SEPTIN7: variants seen among roughly 807,000 people sequenced by gnomAD.
The protein encoded by SEPTIN7 is septin-7.
Under a neutral mutation model 63.3 loss-of-function variants are expected in SEPTIN7, and 10 were observed. The ratio of observed to expected loss-of-function variants is 0.16; its 90% CI spans 0.10 to 0.27. SEPTIN7 has a LOEUF of 0.27. Among genes scored for constraint, SEPTIN7 ranks in the 10% least tolerant of loss-of-function variants. The pLI is 1.00. For missense variants in SEPTIN7, 310 were observed against 521.0 expected, an observed-to-expected ratio of 0.59 and a Z score of 3.94; for synonymous variants, 131 against 165.3, an observed-to-expected ratio of 0.79 and a Z score of 1.59.
intron 1 of SEPTIN7, among the ~76,000 whole-genome samples, chr7:35,827,513 CAG>C (rs1050745270): frequency 9.2e-5 from 14 of 152,000 alleles, no homozygotes; most frequent in African/African-American, 3.4e-4. Flanking sequence ...TTTTTTGAGA[CAG>C]AGTCTTGCTC....
intron 1 of SEPTIN7, among the ~76,000 whole-genome samples, chr7:35,813,881 G>A (rs1222550816): frequency 1.3e-5 from 2 of 152,084 alleles, no homozygotes; most frequent in African/African-American, 4.8e-5. Flanking sequence ...ATCAGTTGTA[G>A]TATTGACATT....
chr7:35,819,198 T>G (rs1339914582), intron 1 of SEPTIN7, among the ~76,000 whole-genome samples: 1 of 152,132 alleles, frequency 6.6e-6, no homozygotes, highest in African/African-American at 2.4e-5. Context: ...TGTGATTTAG[T>G]TTTTGACCCA....
At chr7:35,826,853 G>A (rs1401771102) in intron 1 of SEPTIN7, among the ~76,000 whole-genome samples, 1 of 152,092 alleles carries the variant, frequency 6.6e-6, no homozygotes, top group African/African-American at 2.4e-5. Flanking sequence ...TGGCATTTTA[G>A]ATAGCAAGAT....
intron 10 of SEPTIN7, among the ~76,000 whole-genome samples, 155 bp downstream of exon 10, chr7:35,886,034 C>G (rs1182532579): frequency 6.6e-6 from 1 of 152,148 alleles, no homozygotes; most frequent in Non-Finnish European, 1.5e-5. Flanking sequence ...GATTCTTTCT[C>G]CAAGGTTTTG....
In SEPTIN7 at chr7:35,846,936, A is replaced by G. The variant is rs564311347; in HGVS notation, c.169+14036A>G. The G allele has an allele frequency of 1.1e-4, 17 of 152,490 alleles. No individual in the cohort carries two copies. The East Asian group carries it at 3.3e-3, about 29-fold the overall frequency. 9.4% of individuals were successfully genotyped at this position (152,490 alleles called of 1,614,324 possible). ...GGTGAACACAGATCTTTATTAGCAG[A>G]TACCAAATTTGACATTTAAAGGAGA... On this transcript the variant is annotated intron_variant, in intron 3 of 13. Coordinates refer to ENST00000350320, the MANE Select transcript of SEPTIN7 (RefSeq NM_001788.6).
In SEPTIN7 at chr7:35,905,062, T is replaced by A. The variant is rs1475156453; in HGVS notation, c.*769T>A. On this transcript the variant is annotated 3_prime_UTR_variant, in exon 14 of 14. Coordinates refer to ENST00000350320, the MANE Select transcript of SEPTIN7 (RefSeq NM_001788.6). ...GGAAACTTTCCTTTAACTCCCTTTTTACACTTTATGGTAAGTAGCAGGGGG... is the reference window on the plus strand; with the variant it reads ...GGAAACTTTCCTTTAACTCCCTTTTAACACTTTATGGTAAGTAGCAGGGGG... 4 of 152,646 alleles carry A rather than the reference T, an allele frequency of 2.6e-5. No homozygotes were observed. The highest frequency in any genetic ancestry group is 2.0e-4 in the Admixed American group (3 of 15,284). 9.5% of individuals were successfully genotyped at this position (152,646 alleles called of 1,614,324 possible). A position where few individuals can be genotyped will look rare whatever the true frequency, so the allele number is the denominator to read the frequency against.
intron 1 of SEPTIN7, among the ~76,000 whole-genome samples, chr7:35,806,457 C>T (rs1342924015): frequency 6.6e-6 from 1 of 152,166 alleles, no homozygotes; most frequent in East Asian, 1.9e-4. Context: ...CACTACAAGA[C>T]CCATTGATTA....
chr7:35,850,899 A>G (rs1286460621), intron 3 of SEPTIN7, among the ~76,000 whole-genome samples: 1 of 152,178 alleles, frequency 6.6e-6, no homozygotes, highest in Non-Finnish European at 1.5e-5. Flanking sequence ...GAGATTAATA[A>G]GAAATGTATA....
At chr7:35,864,302 GTTC>G (rs1785676937) in intron 4 of SEPTIN7, among the ~76,000 whole-genome samples, 1 of 152,082 alleles carries the variant, frequency 6.6e-6, no homozygotes. Flanking sequence ...GTTAAATTTA[GTTC>G]TTCTAGTAGG....
At chr7:35,909,738 A>C (rs191854072), downstream of SEPTIN7, among the ~76,000 whole-genome samples, 2,449 of 152,358 alleles carry the variant, frequency 0.016, 140 homozygotes, top group Admixed American at 0.12. Flanking sequence ...CCTCTTTATA[A>C]AAACAAGCAA....
At chr7:35,815,446 T>C (rs1788999088) in intron 1 of SEPTIN7, among the ~76,000 whole-genome samples, 1 of 152,254 alleles carries the variant, frequency 6.6e-6, no homozygotes, top group African/African-American at 2.4e-5. Flanking sequence ...TTCCAATCTA[T>C]TAATGCAGAG....
At position 35,832,810 on chromosome 7, in the gene SEPTIN7, C is replaced by T. The variant is rs571691250; in HGVS notation, c.79C>T (p.Leu27Phe). 6.2e-7 allele frequency: 1 copy of T among 1,607,646 alleles called. No homozygotes were observed. The highest frequency in any genetic ancestry group is 1.1e-5 in the South Asian group (1 of 90,900). Residue 27 changes from leucine to phenylalanine, a missense_variant, in exon 3 of 14, where the codon CTT becomes TTT. By Grantham distance (22) the Leu-to-Phe change is conservative (BLOSUM62 0). Around this residue, in one of 2 missense-constraint regions of SEPTIN7, gnomAD observed 255 missense variants for 490.5 expected, o/e 0.52. Transcript: ENST00000350320. ...SSTMVAQQKN[L>F]EGYVGFANLP... ...TTGCTTTTGTCAGCAACAGAAGAAC[C>T]TTGAAGGCTATGTGGGATTTGCCAA...
chr7:35,907,292 C>CAAAT (rs1788647462), downstream of SEPTIN7, among the ~76,000 whole-genome samples: 5 of 152,126 alleles, frequency 3.3e-5, no homozygotes, highest in African/African-American at 7.2e-5. Flanking sequence ...AATAAGCTTG[C>CAAAT]AAATGTAAGC....
intron 8 of SEPTIN7, among the ~76,000 whole-genome samples, chr7:35,882,988 C>T (rs963796754): frequency 1.5e-4 from 23 of 152,122 alleles, no homozygotes; most frequent in African/African-American, 4.3e-4. Context: ...CGTTCTGTAG[C>T]ATTGTAGGGT....
At chr7:35,897,338 TC>T (rs1788015186) in intron 11 of SEPTIN7, among the ~76,000 whole-genome samples, 1 of 152,148 alleles carries the variant, frequency 6.6e-6, no homozygotes, top group Non-Finnish European at 1.5e-5. Context: ...AGAGCCCACT[TC>T]CTGCTCCTGG....
chr7:35,902,664 AC>A (rs1238978421), intron 12 of SEPTIN7: 1 of 153,346 alleles, frequency 6.5e-6, no homozygotes, highest in African/African-American at 2.4e-5. Flanking sequence ...TGGTTCTTCC[AC>A]TTTCTGGCTA....
At chr7:35,827,522 G>C (rs889552637) in intron 1 of SEPTIN7, among the ~76,000 whole-genome samples, 5 of 152,074 alleles carry the variant, frequency 3.3e-5, no homozygotes, top group African/African-American at 1.2e-4. Flanking sequence ...ACAGAGTCTT[G>C]CTCTGTCATC....
intron 3 of SEPTIN7, among the ~76,000 whole-genome samples, chr7:35,860,929 C>T (rs1399513053): frequency 6.6e-6 from 1 of 152,162 alleles, no homozygotes; most frequent in African/African-American, 2.4e-5. Context: ...GTTCATTTCT[C>T]TTCCTCTGAA....
chr7:35,820,768 G>A (rs927583657), intron 1 of SEPTIN7, among the ~76,000 whole-genome samples: 1 of 152,014 alleles, frequency 6.6e-6, no homozygotes, highest in African/African-American at 2.4e-5. Context: ...TTTTTTGCAA[G>A]GCTCATACTT....
Sources: gnomAD v4.1 joint callset for allele counts (sites outside exome capture counted in the v4.1 genomes callset) on GRCh38, gnomAD v4.1.1 for gene constraint, gnomAD v4.1.1 regional missense constraint, MANE v1.5 for transcripts, NCBI Gene and HGNC (gene_info 2026-07-23, HGNC 2026-07-21) for gene names.